Variants in PAQR8 observed in about 807,000 individuals in gnomAD.
PAQR8 encodes the protein membrane progestin receptor beta.
A neutral mutation model predicts 25.2 loss-of-function variants in PAQR8; 17 were observed. That is an observed-to-expected ratio of 0.67 (90% CI 0.46 to 1.01). PAQR8 has a LOEUF of 1.01. Ranked by LOEUF, PAQR8 falls within the 50% of genes least tolerant of loss-of-function variation. The pLI is 0.00. For missense variants in PAQR8, 392 were observed against 448.4 expected (o/e 0.87, Z 1.14); for synonymous variants, 204 against 190.6 (o/e 1.07, Z -0.58).
At chr6:52,385,246 C>G (rs1230143074) in intron 1 of PAQR8, among the ~76,000 whole-genome samples, 1 of 152,210 alleles carries the variant, frequency 6.6e-6, no homozygotes, top group African/African-American at 2.4e-5. Flanking sequence ...GGAAACCCCT[C>G]TCATTCTCTC....
intron 1 of PAQR8, among the ~76,000 whole-genome samples, chr6:52,382,820 G>T (rs954366150): frequency 1.3e-5 from 2 of 151,974 alleles, no homozygotes; most frequent in African/African-American, 4.8e-5. Context: ...TTTAAGACAG[G>T]GTCTCACTCT....
chr6:52,381,783 A>G (rs1339105698), intron 1 of PAQR8, among the ~76,000 whole-genome samples: 2 of 152,120 alleles, frequency 1.3e-5, no homozygotes, highest in Non-Finnish European at 2.9e-5. Context: ...ATTTTCCTTT[A>G]TCTTTATGCA....
In PAQR8 at chr6:52,404,761, G is replaced by A. The variant is rs1305062345; in HGVS notation, c.*483G>A. ...ATTTGGATTTCAAATTGTCCAGAGTGGAAAAGCCTTCAAGATGACATGATG... is the reference window on the plus strand; with the variant it reads ...ATTTGGATTTCAAATTGTCCAGAGTAGAAAAGCCTTCAAGATGACATGATG... On this transcript the variant is annotated 3_prime_UTR_variant, in exon 2 of 2. Transcript: ENST00000442253. 1.7e-5 allele frequency: 3 copies of A among 172,648 alleles called. No homozygotes were observed. Among genetic ancestry groups the A allele is most frequent in the Non-Finnish European group, 2.8e-5 (2 of 71,238 alleles). 10.7% of individuals were successfully genotyped at this position (172,648 alleles called of 1,614,324 possible).
At chr6:52,364,807 T>C (rs1027080842) in intron 1 of PAQR8, among the ~76,000 whole-genome samples, 3 of 152,178 alleles carry the variant, frequency 2.0e-5, no homozygotes, top group African/African-American at 7.2e-5. Context: ...ATGGAGTATG[T>C]ATTTAGGATT....
chr6:52,392,058 G>C (rs1763714434), intron 1 of PAQR8, among the ~76,000 whole-genome samples: 1 of 152,198 alleles, frequency 6.6e-6, no homozygotes, highest in Admixed American at 6.5e-5. Flanking sequence ...CCAAGGCATA[G>C]AGAGGTTGAA....
intron 1 of PAQR8, among the ~76,000 whole-genome samples, chr6:52,396,226 G>A (rs1010881035): frequency 1.5e-4 from 23 of 152,204 alleles, no homozygotes; most frequent in Non-Finnish European, 8.8e-5. Context: ...GCTGGAGAGA[G>A]CCCTAAGCCA....
chr6:52,397,567 T>C (rs1481039441), intron 1 of PAQR8, among the ~76,000 whole-genome samples: 2 of 152,248 alleles, frequency 1.3e-5, no homozygotes, highest in African/African-American at 4.8e-5. Flanking sequence ...TCTTATTGTA[T>C]TCTTCCTCTG....
intron 1 of PAQR8, among the ~76,000 whole-genome samples, chr6:52,388,212 C>A (rs971848214): frequency 6.6e-6 from 1 of 152,016 alleles, no homozygotes; most frequent in East Asian, 1.9e-4. Context: ...CCCATCTCTA[C>A]TAAAAATACA....
intron 1 of PAQR8, among the ~76,000 whole-genome samples, chr6:52,380,041 G>T (rs748581827): frequency 2.0e-5 from 3 of 152,210 alleles, no homozygotes; most frequent in Non-Finnish European, 4.4e-5. Flanking sequence ...GATTACAGGC[G>T]TGAGCCACCC....
Position 52,392,766 on chromosome 6 carries a change from T to G in PAQR8, c.-52-10396T>G, listed in dbSNP as rs1391021596. Among the ~76,000 whole-genome samples the G allele has an allele frequency of 2.0e-5, 3 of 152,204 alleles. No homozygotes were observed. In the East Asian group the frequency reaches 5.8e-4, roughly 29 times the overall value. ...AGCCACAACAAACCATGTGTCTCTT[T>G]AATATGAAAGAAGCCCATCAGATTT... On this transcript the variant is annotated intron_variant, in intron 1 of 1. Transcript: ENST00000442253.
At chr6:52,389,220 T>A (rs1221764543) in intron 1 of PAQR8, among the ~76,000 whole-genome samples, 1 of 152,226 alleles carries the variant, frequency 6.6e-6, no homozygotes, top group Non-Finnish European at 1.5e-5. Context: ...TGGTGTTTTC[T>A]TTTGAAAACC....
intron 1 of PAQR8, among the ~76,000 whole-genome samples, chr6:52,376,254 C>T (rs1010630230): frequency 3.3e-5 from 5 of 152,230 alleles, no homozygotes; most frequent in Admixed American, 6.5e-5. Flanking sequence ...TAGGCCAGTC[C>T]GTAGTCACCA....
At chr6:52,364,251 CTT>C (rs1229100428) in intron 1 of PAQR8, among the ~76,000 whole-genome samples, 2 of 151,912 alleles carry the variant, frequency 1.3e-5, no homozygotes, top group East Asian at 3.9e-4. Flanking sequence ...AAAAGGAAAT[CTT>C]TAATAATTAT....
intron 1 of PAQR8, among the ~76,000 whole-genome samples, chr6:52,378,733 G>T (rs1763514924): frequency 6.6e-6 from 1 of 151,806 alleles, no homozygotes; most frequent in Non-Finnish European, 1.5e-5. Context: ...GGAGGTTGCA[G>T]TGAGCTGAGA....
chr6:52,375,107 T>A (rs1465966898), intron 1 of PAQR8, among the ~76,000 whole-genome samples: 1 of 152,106 alleles, frequency 6.6e-6, no homozygotes, highest in Non-Finnish European at 1.5e-5. Context: ...AGACGACAAG[T>A]CACTTAGTTG....
intron 1 of PAQR8, among the ~76,000 whole-genome samples, chr6:52,372,304 A>T (rs1763428698): frequency 6.6e-6 from 1 of 152,212 alleles, no homozygotes; most frequent in Non-Finnish European, 1.5e-5. Flanking sequence ...GGTAATGAAT[A>T]TTGGAAGGAT....
At chr6:52,366,159 T>G (rs1763349421) in intron 1 of PAQR8, among the ~76,000 whole-genome samples, 1 of 152,000 alleles carries the variant, frequency 6.6e-6, no homozygotes, top group Non-Finnish European at 1.5e-5. Context: ...AGTTTATAAA[T>G]TTTATTTTAT....
At chr6:52,402,631 A>G in intron 1 of PAQR8, among the ~76,000 whole-genome samples, 1 of 139,984 alleles carries the variant, frequency 7.1e-6, no homozygotes, top group South Asian at 2.1e-4. Flanking sequence ...AAAAAAAAAA[A>G]AAAAGAAAGA....
intron 1 of PAQR8, among the ~76,000 whole-genome samples, chr6:52,364,712 C>T (rs549515578): frequency 2.6e-5 from 4 of 152,200 alleles, no homozygotes; most frequent in Middle Eastern, 6.8e-3. Flanking sequence ...GGTGGGGAAT[C>T]GAGGTTGTCA....
Sources: gnomAD v4.1 joint callset for allele counts (sites outside exome capture counted in the v4.1 genomes callset) on GRCh38, gnomAD v4.1.1 for gene constraint, MANE v1.5 for transcripts, NCBI Gene and HGNC (gene_info 2026-07-23, HGNC 2026-07-21) for gene names.